The following ATP13A3 variants were observed in gnomAD, a reference collection of about 807,000 sequenced individuals.
ATP13A3 encodes the protein ATPase 13A3, also known as polyamine-transporting ATPase 13A3.
A neutral mutation model predicts 158.1 loss-of-function variants in ATP13A3; 59 were observed. The observed-to-expected ratio is 0.37, with a 90% CI of 0.30 to 0.46. The LOEUF is 0.46. Among genes scored for constraint, ATP13A3 ranks in the 20% least tolerant of loss-of-function variants. The pLI, the probability that ATP13A3 is intolerant of heterozygous loss-of-function variation, is 1.00. For synonymous variants in ATP13A3, 491 were observed against 504.3 expected, an observed-to-expected ratio of 0.97 and a Z score of 0.35; for missense variants, 1,166 against 1,525.2, an observed-to-expected ratio of 0.76 and a Z score of 3.92.
intron 2 of ATP13A3, among the ~76,000 whole-genome samples, chr3:194,463,843 T>TTCTA (rs1445656000): frequency 6.6e-6 from 1 of 152,206 alleles, no homozygotes; most frequent in Non-Finnish European, 1.5e-5. Flanking sequence ...CTTCTTGGTG[T>TTCTA]TCTATCATAA....
intron 29 of ATP13A3, among the ~76,000 whole-genome samples, chr3:194,426,473 A>G (rs116772269): frequency 5.8e-4 from 88 of 152,302 alleles, no homozygotes; most frequent in African/African-American, 2.1e-3. Flanking sequence ...GGGATGAAAG[A>G]TTAGAAATAC....
intron 2 of ATP13A3, among the ~76,000 whole-genome samples, chr3:194,478,535 T>C (rs1050676916): frequency 1.3e-5 from 2 of 152,070 alleles, no homozygotes; most frequent in African/African-American, 4.8e-5. Context: ...TCCTAAAAAA[T>C]GCCAGGAAAA....
At chr3:194,454,186 TA>T in intron 9 of ATP13A3, 71 bp downstream of exon 9, 1 of 1,383,934 alleles carries the variant, frequency 7.2e-7, no homozygotes, top group Non-Finnish European at 1.0e-6. Flanking sequence ...TGCTGAGTAC[TA>T]TTCTACACAC....
intron 2 of ATP13A3, among the ~76,000 whole-genome samples, chr3:194,470,642 A>T (rs1378857479): frequency 2.0e-5 from 3 of 152,190 alleles, no homozygotes; most frequent in African/African-American, 7.2e-5. Context: ...CATTCTCAAA[A>T]TGTCCACTTA....
intron 31 of ATP13A3, 193 bp downstream of exon 31, chr3:194,419,686 G>T: frequency 1.3e-6 from 1 of 757,074 alleles, no homozygotes. Flanking sequence ...AATGAAAACG[G>T]CACCAGAAGC....
At chr3:194,456,526 A>G (rs1159803276) in intron 7 of ATP13A3, among the ~76,000 whole-genome samples, 1 of 152,112 alleles carries the variant, frequency 6.6e-6, no homozygotes, top group Non-Finnish European at 1.5e-5. Flanking sequence ...CCCCTTTGAA[A>G]GAACATGTTA....
chr3:194,438,389 C>G (rs1288970143), intron 17 of ATP13A3, among the ~76,000 whole-genome samples: 17 of 151,936 alleles, frequency 1.1e-4, no homozygotes, highest in Admixed American at 1.1e-3. Context: ...AAAAGTAAAG[C>G]CTTTCATACA....
Position 194,441,248 on chromosome 3 carries a change from G to A in ATP13A3, c.1710+63C>T, listed in dbSNP as rs927115088. The stretch of plus-strand genomic sequence containing the variant: ...AAAAGCAGAAATAATCCTTGTATGA[G>A]GTAATTTAATTTTTAACTATTATTT... On this transcript the variant is annotated intron_variant, in intron 16 of 33. Coordinates refer to ENST00000645319, the MANE Select transcript of ATP13A3 (RefSeq NM_001367549.1). 9.8e-6 allele frequency: 13 copies of A among 1,326,754 alleles called. No individual in the cohort carries two copies. In the African/African-American group the frequency reaches 1.2e-4, roughly 12 times the overall value. The allele number at this position is 1,326,754 out of a possible 1,614,324, so 82.2% of individuals were successfully genotyped here.
At chr3:194,467,681 T>C (rs745585021) in intron 2 of ATP13A3, among the ~76,000 whole-genome samples, 1 of 152,180 alleles carries the variant, frequency 6.6e-6, no homozygotes, top group Non-Finnish European at 1.5e-5. Flanking sequence ...TTAGAACATA[T>C]GTATGTTAAA....
intron 29 of ATP13A3, among the ~76,000 whole-genome samples, chr3:194,426,367 A>C (rs1716775376): frequency 6.6e-6 from 1 of 152,228 alleles, no homozygotes; most frequent in African/African-American, 2.4e-5. Flanking sequence ...AAAATGTTAT[A>C]ATTTGTGATC....
chr3:194,416,591 T>C (rs1180700779), intron 31 of ATP13A3, among the ~76,000 whole-genome samples: 1 of 152,208 alleles, frequency 6.6e-6, no homozygotes, highest in East Asian at 1.9e-4. Flanking sequence ...TGGTGAACTA[T>C]TAGGAACACG....
At chr3:194,493,050 C>T (rs923784573) in intron 2 of ATP13A3, among the ~76,000 whole-genome samples, 9 of 151,316 alleles carry the variant, frequency 5.9e-5, no homozygotes, top group Non-Finnish European at 1.3e-4. Flanking sequence ...TCTAGGATTG[C>T]CTAAGCGCAG....
intron 20 of ATP13A3, 122 bp downstream of exon 20, chr3:194,436,973 T>C (rs1035288085): frequency 8.0e-7 from 1 of 1,245,128 alleles, no homozygotes; most frequent in Admixed American, 2.3e-5. Flanking sequence ...CCTAAAACAA[T>C]ATTATATTAG....
At chr3:194,421,112 G>GTATATA (rs1491202894) in intron 30 of ATP13A3, among the ~76,000 whole-genome samples, 2 of 6,204 alleles carry the variant, frequency 3.2e-4, no homozygotes, top group African/African-American at 2.4e-3. Flanking sequence ...AGTGTGTAGG[G>GTATATA]TGTATATATA....
In ATP13A3 at chr3:194,404,267, T is replaced by A. The variant is rs969256596; in HGVS notation, c.*1652A>T. The A allele has an allele frequency of 5.8e-6, 2 of 344,132 alleles. No homozygotes were observed. Among genetic ancestry groups the A allele is most frequent in the Non-Finnish European group, 1.1e-5 (2 of 176,628 alleles). The allele number at this position is 344,132 out of a possible 1,614,324, so 21.3% of individuals were successfully genotyped here. ...CATATTATACATTTGATGGAAAACT[T>A]CGATTATATTTTTGCAGGAATCATC... On this transcript the variant is annotated 3_prime_UTR_variant, in exon 34 of 34. Transcript: ENST00000645319.
chr3:194,450,169 T>G lies in ATP13A3; in HGVS notation c.946A>C (p.Ile316Leu), dbSNP rs577407836. 6.2e-7 allele frequency: 1 copy of G among 1,614,044 alleles called. No individual in the cohort carries two copies. The highest frequency in any genetic ancestry group is 1.3e-5 in the African/African-American group (1 of 75,056). The change falls in exon 11 of 34, where the codon ATT (isoleucine) becomes CTT (leucine). Residue 316 changes from isoleucine (I) to leucine (L), a missense_variant. Physicochemically the swap from Ile to Leu is conservative, Grantham distance 5 (BLOSUM62 2). Around this residue, in one of 3 missense-constraint regions of ATP13A3, gnomAD observed 997 missense variants for 1,341.2 expected, o/e 0.74. Coordinates refer to ENST00000645319, the MANE Select transcript of ATP13A3 (RefSeq NM_001367549.1). ...CDAVLINGTC[I>L]VNESMLTGES... is the part of the protein sequence containing the mutation. ...CCTGTTAACATGCTTTCGTTTACAA[T>G]GCAGGTACCATTAATAAGCACAGCA... is the stretch of plus-strand genomic sequence containing the variant.
Position 194,405,659 on chromosome 3 carries a change from A to C in ATP13A3, c.*260T>G. ...AAGAATATCACTGAAAGTAACAATC[A>C]AGAAAATTCTGGAAATGTATGTAAT... On this transcript the variant is annotated 3_prime_UTR_variant, in exon 34 of 34. Coordinates refer to ENST00000645319, the MANE Select transcript of ATP13A3 (RefSeq NM_001367549.1). 1 of 386,794 alleles carries C rather than the reference A, an allele frequency of 2.6e-6. No homozygotes were observed. Among genetic ancestry groups the C allele is most frequent in the South Asian group, 3.5e-5 (1 of 28,522 alleles). 24.0% of individuals were successfully genotyped at this position (386,794 alleles called of 1,614,324 possible). A position where few individuals can be genotyped will look rare whatever the true frequency, so the allele number is the denominator to read the frequency against.
Position 194,431,695 on chromosome 3 carries a change from G to A in ATP13A3, c.2421+22C>T, listed in dbSNP as rs186591609. 7.6e-5 allele frequency: 113 copies of A among 1,480,912 alleles called. 2 individuals carry two copies. In the South Asian group the frequency reaches 9.4e-4, roughly 12 times the overall value. 91.7% of individuals were successfully genotyped at this position (1,480,912 alleles called of 1,614,324 possible). On this transcript the variant is annotated intron_variant, in intron 22 of 33. Coordinates refer to ENST00000645319, the MANE Select transcript of ATP13A3 (RefSeq NM_001367549.1). ...AATTTAAATCAACAAACTTTAAAACGGACAGTCGATCTTGACCTTACCTCT... is the reference window on the plus strand; with the variant it reads ...AATTTAAATCAACAAACTTTAAAACAGACAGTCGATCTTGACCTTACCTCT...
chr3:194,473,590 T>C (rs1720402917), intron 2 of ATP13A3, among the ~76,000 whole-genome samples: 1 of 152,186 alleles, frequency 6.6e-6, no homozygotes, highest in Non-Finnish European at 1.5e-5. Flanking sequence ...AAATTTTGTC[T>C]ATGGCCATAC....
Sources: allele counts gnomAD v4.1 joint callset (sites outside exome capture counted in the v4.1 genomes callset), GRCh38; gene constraint gnomAD v4.1.1; regional missense constraint gnomAD v4.1.1; transcripts MANE v1.5; gene names NCBI Gene and HGNC (gene_info 2026-07-23, HGNC 2026-07-21).